Variants in ZNF57 observed in about 807,000 individuals in gnomAD.
ZNF57 encodes zinc finger protein 57.
A neutral mutation model predicts 13.4 loss-of-function variants in ZNF57; 11 were observed. The observed-to-expected ratio is 0.82, with a 90% CI of 0.52 to 1.36. The LOEUF is 1.36. Among genes scored for constraint, ZNF57 ranks in the 40% most tolerant of loss-of-function variants. The pLI, the probability that ZNF57 is intolerant of heterozygous loss-of-function variation, is 0.00. For missense variants in ZNF57, 696 were observed against 667.5 expected, an observed-to-expected ratio of 1.04 and a Z score of -0.47; for synonymous variants, 224 against 238.5, an observed-to-expected ratio of 0.94 and a Z score of 0.56.
rs1353844918 is a variant in ZNF57 at position 2,910,613 on chromosome 19, G to A, written c.4-4909G>A. On this transcript the variant is annotated intron_variant, in intron 1 of 3. Transcript: ENST00000306908. The stretch of plus-strand genomic sequence containing the variant: ...GCAGCTGGGACTACAGGTACTCCCC[G>A]CCATGCCCAGCTAATTTTTTGTATT... Among the ~76,000 whole-genome samples, 2 of 112,126 alleles carry A rather than the reference G, an allele frequency of 1.8e-5. 1 individual carries two copies. Among genetic ancestry groups the A allele is most frequent in the East Asian group, 7.2e-4 (2 of 2,796 alleles). The allele number at this position is 112,126 out of a possible 152,430, so 73.6% of individuals were successfully genotyped here.
At chr19:2,911,797 C>G in intron 1 of ZNF57, among the ~76,000 whole-genome samples, 1 of 152,178 alleles carries the variant, frequency 6.6e-6, no homozygotes, top group Admixed American at 6.5e-5. Context: ...CTTTTCAAAT[C>G]TCTCCCATGG....
intron 1 of ZNF57, among the ~76,000 whole-genome samples, chr19:2,902,952 G>A (rs772139323): frequency 8.5e-5 from 13 of 152,170 alleles, no homozygotes; most frequent in Non-Finnish European, 1.9e-4. Flanking sequence ...TGAGCCCCAA[G>A]ACCGGTGACT....
chr19:2,905,598 A>G (rs1199602879), intron 1 of ZNF57, among the ~76,000 whole-genome samples: 2 of 151,558 alleles, frequency 1.3e-5, no homozygotes, highest in African/African-American at 4.9e-5. Flanking sequence ...CCCCGTCTCT[A>G]CTAAAAAATA....
At position 2,900,930 on chromosome 19, in the gene ZNF57, C is replaced by G. The variant is rs2088022720; in HGVS notation, c.-116C>G. On this transcript the variant is annotated 5_prime_UTR_variant, in exon 1 of 4. Coordinates refer to ENST00000306908, the MANE Select transcript of ZNF57 (RefSeq NM_173480.3). Reference sequence around the variant, plus strand: ...CCCCGAGGGCGGGACGTTTCGTCCTCCCTGCCGCGCGTGCCCTGCCTACCA... The same window carrying G: ...CCCCGAGGGCGGGACGTTTCGTCCTGCCTGCCGCGCGTGCCCTGCCTACCA... 7.3e-7 allele frequency: 1 copy of G among 1,368,330 alleles called. No homozygotes were observed. Among genetic ancestry groups the G allele is most frequent in the Non-Finnish European group, 1.0e-6 (1 of 1,002,878 alleles). The allele number at this position is 1,368,330 out of a possible 1,614,324, so 84.8% of individuals were successfully genotyped here.
chr19:2,918,428 TC>T lies in ZNF57; in HGVS notation c.*140del, dbSNP rs2088237599. On this transcript the variant is annotated 3_prime_UTR_variant, in exon 4 of 4. Transcript: ENST00000306908. The stretch of plus-strand genomic sequence containing the variant: ...CTCATTTGTAAAACAGACCCATTAG[TC>T]GTGAATTTCCAGCTCTTTCAAAAAT... 1 of 916,242 alleles carries T rather than the reference TC, an allele frequency of 1.1e-6. No individual in the cohort carries two copies. Among genetic ancestry groups the T allele is most frequent in the Non-Finnish European group, 1.6e-6 (1 of 628,028 alleles). 56.8% of individuals were successfully genotyped at this position (916,242 alleles called of 1,614,324 possible). A position where few individuals can be genotyped will look rare whatever the true frequency, so the allele number is the denominator to read the frequency against.
Position 2,917,239 on chromosome 19 carries a change from A to G in ZNF57, c.618A>G (p.Gln206=), listed in dbSNP as rs2088211637. Residue 206 remains glutamine (Q), a synonymous_variant, in exon 4 of 4, where the codon CAA becomes CAG. Coordinates refer to ENST00000306908, the MANE Select transcript of ZNF57 (RefSeq NM_173480.3). Reference sequence around the variant, plus strand: ...GTCAAGCATGTGGGCAAACTTTCCAACATCCTCGTTACCTCTCCCACCACG... The same window carrying G: ...GTCAAGCATGTGGGCAAACTTTCCAGCATCCTCGTTACCTCTCCCACCACG... ...YKCQACGQTF[Q]HPRYLSHHVK... is the part of the protein sequence containing the mutation. 3.1e-6 allele frequency: 5 copies of G among 1,614,036 alleles called. No individual in the cohort carries two copies. The highest frequency in any genetic ancestry group is 1.7e-5 in the Admixed American group (1 of 60,000).
In ZNF57 at chr19:2,911,230, A is replaced by G. The variant is rs1023863497; in HGVS notation, c.4-4292A>G. Among the ~76,000 whole-genome samples, 11 of 152,020 alleles carry G rather than the reference A, an allele frequency of 7.2e-5. No homozygotes were observed. In the South Asian group the frequency reaches 2.3e-3, roughly 32 times the overall value. Reference sequence around the variant, plus strand: ...GGGTATATGCCTCCAAGCCCAGCTTATTTTTAAAAACTTTTTGTGGCCGGG... The same window carrying G: ...GGGTATATGCCTCCAAGCCCAGCTTGTTTTTAAAAACTTTTTGTGGCCGGG... On this transcript the variant is annotated intron_variant, in intron 1 of 3. Coordinates refer to ENST00000306908, the MANE Select transcript of ZNF57 (RefSeq NM_173480.3).
chr19:2,900,934 GC>G lies in ZNF57; in HGVS notation c.-110del. 7.1e-7 allele frequency: 1 copy of G among 1,416,720 alleles called. No individual in the cohort carries two copies. The highest frequency in any genetic ancestry group is 9.6e-7 in the Non-Finnish European group (1 of 1,045,338). The allele number at this position is 1,416,720 out of a possible 1,614,324, so 87.8% of individuals were successfully genotyped here. A position where few individuals can be genotyped will look rare whatever the true frequency, so the allele number is the denominator to read the frequency against. On this transcript the variant is annotated 5_prime_UTR_variant, in exon 1 of 4. Transcript: ENST00000306908. The stretch of plus-strand genomic sequence containing the variant: ...GAGGGCGGGACGTTTCGTCCTCCCT[GC>G]CGCGCGTGCCCTGCCTACCACGAGC...
At chr19:2,901,116 CGCCGAAGTCT>C (rs11279103) in intron 1 of ZNF57, 68 bp downstream of exon 1, 1,290,478 of 1,513,384 alleles carry the variant, frequency 0.85, 553,565 homozygotes, top group Non-Finnish European at 0.88. Context: ...AACCAGAGTC[CGCCGAAGTCT>C]GCGGCCGGGA....
rs745586155 is a variant in ZNF57 at position 2,917,959 on chromosome 19, G to A, written c.1338G>A (p.Gln446=). Residue 446 remains glutamine, a synonymous_variant, in exon 4 of 4, where the codon CAG becomes CAA. Transcript: ENST00000306908. The stretch of plus-strand genomic sequence containing the variant: ...ATGTGAGAATTCACACGCAAGAGCA[G>A]CTCCATAAATGTGAACACTGTGGGA... ...REHVRIHTQE[Q]LHKCEHCGKA... is the part of the protein sequence containing the mutation. The A allele has an allele frequency of 6.6e-5, 107 of 1,610,918 alleles. No homozygotes were observed. The highest frequency in any genetic ancestry group is 8.7e-5 in the Non-Finnish European group (103 of 1,179,282).
intron 1 of ZNF57, among the ~76,000 whole-genome samples, chr19:2,903,057 G>T (rs1465192817): frequency 6.6e-6 from 1 of 152,156 alleles, no homozygotes; most frequent in South Asian, 2.1e-4. Context: ...CTCCTGCCTC[G>T]TAGAACAGCC....
Position 2,917,263 on chromosome 19 carries a change from C to G in ZNF57, c.642C>G (p.His214Gln). 6.2e-7 allele frequency: 1 copy of G among 1,614,170 alleles called. No homozygotes were observed. Reference sequence around the variant, plus strand: ...AACATCCTCGTTACCTCTCCCACCACGTAAAGACTCACACAGCAGAGAAAA... The same window carrying G: ...AACATCCTCGTTACCTCTCCCACCAGGTAAAGACTCACACAGCAGAGAAAA... ...TFQHPRYLSH[H>Q]VKTHTAEKTY... The change falls in exon 4 of 4, where the codon CAC (histidine) becomes CAG (glutamine). Residue 214 changes from histidine to glutamine, a missense_variant. Physicochemically the swap from His to Gln is conservative, Grantham distance 24. Around this residue, in one of 3 missense-constraint regions of ZNF57, gnomAD observed 645 missense variants for 591.5 expected, o/e 1.09. Coordinates refer to ENST00000306908, the MANE Select transcript of ZNF57 (RefSeq NM_173480.3).
chr19:2,917,454 A>T lies in ZNF57; in HGVS notation c.833A>T (p.Lys278Met). 6.2e-7 allele frequency: 1 copy of T among 1,614,194 alleles called. No individual in the cohort carries two copies. Among genetic ancestry groups the T allele is most frequent in the Non-Finnish European group, 8.5e-7 (1 of 1,180,038 alleles). Residue 278 changes from lysine (K) to methionine (M), a missense_variant, in exon 4 of 4, where the codon AAG (lysine) becomes ATG (methionine). Physicochemically the swap from Lys to Met is moderately conservative, Grantham distance 95. Around this residue, in one of 3 missense-constraint regions of ZNF57, gnomAD observed 645 missense variants for 591.5 expected, o/e 1.09. Coordinates refer to ENST00000306908, the MANE Select transcript of ZNF57 (RefSeq NM_173480.3). ...QRHMTTHTGE[K>M]PYKCQHCGKA... is the part of the protein sequence containing the mutation. ...CACATGACAACACACACTGGAGAGA[A>T]GCCCTATAAATGTCAGCACTGTGGG...
In ZNF57 at chr19:2,917,712, A is replaced by G; in HGVS notation, c.1091A>G (p.Tyr364Cys). ...HLRTHTGEKP[Y>C]ECKQCGKAFT... ...AGGACGCACACTGGAGAGAAACCTTATGAGTGTAAACAATGTGGGAAAGCC... is the reference window on the plus strand; with the variant it reads ...AGGACGCACACTGGAGAGAAACCTTGTGAGTGTAAACAATGTGGGAAAGCC... The change falls in exon 4 of 4, where the codon TAT becomes TGT. Residue 364 changes from tyrosine to cysteine, a missense_variant. Tyr to Cys is a radical substitution (Grantham distance 194). Transcript: ENST00000306908. 1 of 1,613,928 alleles carries G rather than the reference A, an allele frequency of 6.2e-7. No individual in the cohort carries two copies. Among genetic ancestry groups the G allele is most frequent in the African/African-American group, 1.3e-5 (1 of 74,994 alleles).
chr19:2,917,614 T>C lies in ZNF57; in HGVS notation c.993T>C (p.Thr331=), dbSNP rs10410539. 1,388,839 of 1,614,008 alleles carry C rather than the reference T, an allele frequency of 0.86. 599,552 individuals carry two copies. The highest frequency in any genetic ancestry group is 0.88 in the Non-Finnish European group (1,037,397 of 1,180,004). ...ETLRVHMRIH[T]GDKLYKCEHC... Reference sequence around the variant, plus strand: ...TGCGAGTCCACATGAGGATCCACACTGGGGACAAACTCTATAAATGTGAAC... The same window carrying C: ...TGCGAGTCCACATGAGGATCCACACCGGGGACAAACTCTATAAATGTGAAC... The change falls in exon 4 of 4, where the codon ACT becomes ACC. Residue 331 remains threonine, a synonymous_variant. Transcript: ENST00000306908.
rs748723595 is a variant in ZNF57, at chr19:2,917,796, A to G, written c.1175A>G (p.Tyr392Cys). ...HVRIHTQEQLYKCEQCGKAFT... is the reference protein window; with the variant it reads ...HVRIHTQEQLCKCEQCGKAFT... Reference sequence around the variant, plus strand: ...AGAATTCACACGCAAGAGCAGCTCTATAAATGTGAACAATGTGGGAAGGCT... The same window carrying G: ...AGAATTCACACGCAAGAGCAGCTCTGTAAATGTGAACAATGTGGGAAGGCT... The change falls in exon 4 of 4, where the codon TAT (tyrosine) becomes TGT (cysteine). Residue 392 changes from tyrosine to cysteine, a missense_variant. Physicochemically the swap from Tyr to Cys is radical, Grantham distance 194. Transcript: ENST00000306908. 3.1e-5 allele frequency: 50 copies of G among 1,606,202 alleles called. No individual in the cohort carries two copies. The highest frequency in any genetic ancestry group is 3.4e-4 in the Middle Eastern group (2 of 5,964).
In ZNF57 at chr19:2,918,259, T is replaced by G; in HGVS notation, c.1638T>G (p.Ile546Met). 1 of 1,610,856 alleles carries G rather than the reference T, an allele frequency of 6.2e-7. No individual in the cohort carries two copies. The highest frequency in any genetic ancestry group is 1.1e-5 in the South Asian group (1 of 90,664). ...CAAAAGCCTTCAGTTGCCAAGTCAT[T>G]CTTTCTAAAACCAGTGAGAGCACAC... ...SYSKAFSCQV[I>M]LSKTSESTH The change falls in exon 4 of 4, where the codon ATT (isoleucine) becomes ATG (methionine). Residue 546 changes from isoleucine to methionine, a missense_variant. Transcript: ENST00000306908.
intron 1 of ZNF57, among the ~76,000 whole-genome samples, chr19:2,904,568 G>T (rs61040791): frequency 0.03 from 4,517 of 152,122 alleles, 101 homozygotes; most frequent in Middle Eastern, 0.1. Context: ...TTGAGACAGA[G>T]TTTCGCTCTG....
At chr19:2,909,286 T>TTTA (rs2088110434) in intron 1 of ZNF57, among the ~76,000 whole-genome samples, 1 of 132,610 alleles carries the variant, frequency 7.5e-6, no homozygotes, top group Admixed American at 7.7e-5. Flanking sequence ...TTTTTGTTTT[T>TTTA]TTTTTTTTTT....
Sources: gnomAD v4.1 joint callset for allele counts (sites outside exome capture counted in the v4.1 genomes callset) on GRCh38, gnomAD v4.1.1 for gene constraint, gnomAD v4.1.1 regional missense constraint, MANE v1.5 for transcripts, NCBI Gene and HGNC (gene_info 2026-07-23, HGNC 2026-07-21) for gene names.